Variants in DYNC2I1 observed in about 807,000 individuals in gnomAD.
DYNC2I1 encodes the protein dynein 2 intermediate chain 1, also known as cytoplasmic dynein 2 intermediate chain 1.
A neutral mutation model predicts 133.4 loss-of-function variants in DYNC2I1; 89 were observed. The observed-to-expected ratio is 0.67, with a 90% CI of 0.56 to 0.80. DYNC2I1 has a LOEUF of 0.80. Ranked by LOEUF, DYNC2I1 falls within the 30% of genes least tolerant of loss-of-function variation. The probability of loss-of-function intolerance (pLI) is 0.00; values close to 1 mark genes in which losing one functional copy is unlikely to be tolerated. For synonymous variants in DYNC2I1, 504 were observed against 484.3 expected (o/e 1.04, Z -0.54); for missense variants, 1,291 against 1,314.5 (o/e 0.98, Z 0.28).
intron 4 of DYNC2I1, among the ~76,000 whole-genome samples, chr7:158,954,263 C>T (rs922551011): frequency 1.3e-5 from 2 of 152,152 alleles, no homozygotes; most frequent in Non-Finnish European, 2.9e-5. Context: ...TCCAGTATGT[C>T]TTTATAAGCA....
intron 4 of DYNC2I1, among the ~76,000 whole-genome samples, chr7:158,879,385 C>G (rs957654262): frequency 6.6e-6 from 1 of 151,980 alleles, no homozygotes; most frequent in Non-Finnish European, 1.5e-5. Context: ...CTCAAGTCCC[C>G]CATATAAAAT....
chr7:158,906,615 C>T (rs577405327), intron 11 of DYNC2I1, among the ~76,000 whole-genome samples: 15 of 152,146 alleles, frequency 9.9e-5, no homozygotes, highest in African/African-American at 1.2e-4. Context: ...GCCGCCACCA[C>T]GCCTGGCTAA....
the DYNC2I1 span, among the ~76,000 whole-genome samples, chr7:158,851,243 A>G: frequency 6.6e-6 from 1 of 152,190 alleles, no homozygotes; most frequent in Non-Finnish European, 1.5e-5. Flanking sequence ...TTAGAATAAC[A>G]TATTTTTGGC....
intron 13 of DYNC2I1, 136 bp from the exon 14 acceptor site, chr7:158,914,097 T>G: frequency 4.7e-6 from 3 of 633,076 alleles, no homozygotes; most frequent in South Asian, 4.4e-5. Flanking sequence ...CTAGAGAGTA[T>G]AGCTTGAAGT....
At chr7:158,915,390 TGCTGGTTGA>T (rs1847996447) in intron 14 of DYNC2I1, among the ~76,000 whole-genome samples, 3 of 58,098 alleles carry the variant, frequency 5.2e-5, no homozygotes, top group Admixed American at 3.3e-4. Flanking sequence ...AACGTCGACA[TGCTGGTTGA>T]CATTAAGGAT....
chr7:158,916,176 C>T (rs375533837), intron 14 of DYNC2I1, among the ~76,000 whole-genome samples: 3 of 71,042 alleles, frequency 4.2e-5, no homozygotes, highest in Admixed American at 1.4e-4. Flanking sequence ...TGTGAAACGT[C>T]GACACGCTGG....
upstream of DYNC2I1, among the ~76,000 whole-genome samples, chr7:158,855,702 C>G (rs1172221070): frequency 6.6e-6 from 1 of 152,176 alleles, no homozygotes; most frequent in Non-Finnish European, 1.5e-5. Context: ...AGTTACACCT[C>G]TTTTACTGCC....
the DYNC2I1 span, among the ~76,000 whole-genome samples, chr7:158,839,815 G>C: frequency 7.3e-6 from 1 of 136,756 alleles, no homozygotes; most frequent in African/African-American, 3.0e-5. Context: ...ATGAGACTCC[G>C]TCTCAAAAAA....
chr7:158,926,068 T>C, intron 17 of DYNC2I1, 119 bp from the exon 18 acceptor site: 1 of 752,782 alleles, frequency 1.3e-6, no homozygotes, highest in Non-Finnish European at 2.3e-6. Context: ...TGGGAAGATG[T>C]GTGGAGAGAG....
intron 8 of DYNC2I1, among the ~76,000 whole-genome samples, chr7:158,896,492 G>T (rs112502785): frequency 3.2e-4 from 49 of 152,138 alleles, no homozygotes; most frequent in African/African-American, 1.1e-3. Flanking sequence ...TTTTTTTGAG[G>T]CAGGGTGTTA....
chr7:158,955,393 C>T (rs1852174724), intron 4 of DYNC2I1, among the ~76,000 whole-genome samples: 1 of 152,230 alleles, frequency 6.6e-6, no homozygotes, highest in African/African-American at 2.4e-5. Flanking sequence ...GGGGCCAGAG[C>T]CTCCAACAGC....
chr7:158,882,499 C>A (rs537013581), intron 5 of DYNC2I1, among the ~76,000 whole-genome samples: 1 of 152,248 alleles, frequency 6.6e-6, no homozygotes, highest in South Asian at 2.1e-4. Context: ...GGGAGGATCA[C>A]TTGAGCCGAG....
intron 4 of DYNC2I1, among the ~76,000 whole-genome samples, chr7:158,952,730 C>T (rs2657344): frequency 0.47 from 67,416 of 142,708 alleles, 17,161 homozygotes; most frequent in Admixed American, 0.54. Context: ...ACAGAGTCCG[C>T]ACCTTCATAT....
At position 158,869,917 on chromosome 7, in the gene DYNC2I1, T is replaced by C. The variant is rs746308573; in HGVS notation, c.69+9T>C. 5.0e-6 allele frequency: 8 copies of C among 1,612,928 alleles called. No homozygotes were observed. The highest frequency in any genetic ancestry group is 4.5e-5 in the East Asian group (2 of 44,886). ...TCAGAAAACATCTCTGGGTAATTAT[T>C]GTAAAGATTTGGATTGGGATCTGTG... On this transcript the variant is annotated intron_variant, in intron 2 of 24. Transcript: ENST00000407559.
downstream of DYNC2I1, among the ~76,000 whole-genome samples, chr7:158,948,301 T>TG (rs1431907310): frequency 7.2e-5 from 11 of 152,256 alleles, no homozygotes; most frequent in Non-Finnish European, 8.8e-5. Flanking sequence ...AAGCCCACCC[T>TG]GGTGCCTTGC....
intron 8 of DYNC2I1, among the ~76,000 whole-genome samples, chr7:158,895,098 G>A (rs1279555710): frequency 6.6e-6 from 1 of 152,138 alleles, no homozygotes; most frequent in Non-Finnish European, 1.5e-5. Flanking sequence ...CTCAGTCTGT[G>A]ACTTGTCTTC....
At chr7:158,930,248 T>C (rs1266146211) in intron 20 of DYNC2I1, among the ~76,000 whole-genome samples, 1 of 152,194 alleles carries the variant, frequency 6.6e-6, no homozygotes, top group Non-Finnish European at 1.5e-5. Context: ...CATAAGACTT[T>C]GAACTGTGAA....
chr7:158,856,782 G>A, intron 1 of DYNC2I1, 32 bp downstream of exon 1: 1 of 1,233,572 alleles, frequency 8.1e-7, no homozygotes, highest in Non-Finnish European at 1.0e-6. Flanking sequence ...GGCGAGGGGT[G>A]GTCGAGCTTC....
Position 158,942,002 on chromosome 7 carries a change from G to C in DYNC2I1, c.2856G>C (p.Thr952=). The C allele has an allele frequency of 6.2e-7, 1 of 1,613,496 alleles. No homozygotes were observed. ...AFPLLQWDSS[T]DSHAVTGLQW... ...CGCTCCTGCAGTGGGACAGCAGCAC[G>C]GACAGCCATGCGGTCACCGGCCTGC... The change falls in exon 24 of 25, where the codon ACG becomes ACC. Residue 952 remains threonine, a synonymous_variant. Coordinates refer to ENST00000407559, the MANE Select transcript of DYNC2I1 (RefSeq NM_018051.5).
Sources: gnomAD v4.1 joint callset for allele counts (sites outside exome capture counted in the v4.1 genomes callset) on GRCh38, gnomAD v4.1.1 for gene constraint, MANE v1.5 for transcripts, NCBI Gene and HGNC (gene_info 2026-07-23, HGNC 2026-07-21) for gene names.